The following CDK20 variants were observed in gnomAD, a reference collection of about 807,000 sequenced individuals.
The protein encoded by CDK20 is cyclin dependent kinase 20, also known as cyclin-dependent kinase 20.
In CDK20, 40 loss-of-function variants were observed where a neutral mutation model predicts 38.6. The ratio of observed to expected loss-of-function variants is 1.04; its 90% CI spans 0.81 to 1.35. The LOEUF is 1.35. CDK20 is among the 40% of genes most tolerant of loss of function. The probability of loss-of-function intolerance (pLI) is 0.00; values close to 1 mark genes in which losing one functional copy is unlikely to be tolerated. For synonymous variants in CDK20, 209 were observed against 185.7 expected (o/e 1.13, Z -1.02); for missense variants, 512 against 452.6 (o/e 1.13, Z -1.19).
chr9:87,969,745 G>T, intron 6 of CDK20, 51 bp downstream of exon 6: 2 of 1,611,144 alleles, frequency 1.2e-6, no homozygotes, highest in South Asian at 1.1e-5. Flanking sequence ...CTTGCTGTTG[G>T]GAGTGGAGTA....
chr9:87,974,522 C>G lies in CDK20; in HGVS notation c.-76G>C. On this transcript the variant is annotated 5_prime_UTR_variant, in exon 1 of 8. Coordinates refer to ENST00000325303, the MANE Select transcript of CDK20 (RefSeq NM_001039803.3). ...CACTTCTCCTCCACCCCACGCTGAT[C>G]TGAGCTCGCACGCTGTTGCCTAGCA... The G allele has an allele frequency of 7.3e-7, 1 of 1,367,496 alleles. No homozygotes were observed. The highest frequency in any genetic ancestry group is 2.5e-5 in the East Asian group (1 of 40,694). 84.7% of individuals were successfully genotyped at this position (1,367,496 alleles called of 1,614,324 possible).
At position 87,966,975 on chromosome 9, in the gene CDK20, T is replaced by G. The variant is rs1829474285; in HGVS notation, c.*487A>C. ...GGAACAGACATAAGGCAGAGCCACC[T>G]GAGGTTTTTAGAATCTATATCTCAC... is the stretch of plus-strand genomic sequence containing the variant. On this transcript the variant is annotated 3_prime_UTR_variant, in exon 8 of 8. Transcript: ENST00000325303. 2.2e-6 allele frequency: 1 copy of G among 451,078 alleles called. No individual in the cohort carries two copies. Among genetic ancestry groups the G allele is most frequent in the Admixed American group, 2.4e-5 (1 of 42,386 alleles). 27.9% of individuals were successfully genotyped at this position (451,078 alleles called of 1,614,324 possible). A position where few individuals can be genotyped will look rare whatever the true frequency, so the allele number is the denominator to read the frequency against.
intron 5 of CDK20, 130 bp from the exon 6 acceptor site, chr9:87,970,049 G>C: frequency 1.8e-6 from 2 of 1,088,566 alleles, no homozygotes; most frequent in Non-Finnish European, 2.6e-6. Context: ...CACGTCCAGA[G>C]GCCCAGTCCC....
chr9:87,974,321 G>T (rs773648642), intron 1 of CDK20, 51 bp downstream of exon 1: 2 of 1,557,186 alleles, frequency 1.3e-6, no homozygotes, highest in Non-Finnish European at 1.8e-6. Flanking sequence ...GTTAGCCGGA[G>T]GGTGGCGGGG....
Position 87,969,894 on chromosome 9 carries a change from G to T in CDK20, c.589C>A (p.Leu197Met). 1 of 1,589,386 alleles carries T rather than the reference G, an allele frequency of 6.3e-7. No individual in the cohort carries two copies. The highest frequency in any genetic ancestry group is 8.6e-7 in the Non-Finnish European group (1 of 1,166,812). Reference protein sequence around the residue: ...LWSVGCIMGELLNGSPLFPGK... With the variant: ...LWSVGCIMGEMLNGSPLFPGK... ...GGGAAAAGGGGGGACCCATTCAACAGCTCCCCCATGATGCAGCCCACAGAC... is the reference window on the plus strand; with the variant it reads ...GGGAAAAGGGGGGACCCATTCAACATCTCCCCCATGATGCAGCCCACAGAC... The change falls in exon 6 of 8, where the codon CTG becomes ATG. Residue 197 changes from leucine (L) to methionine (M), a missense_variant. By Grantham distance (15) the Leu-to-Met change is conservative. Transcript: ENST00000325303.
Position 87,967,084 on chromosome 9 carries a change from T to G in CDK20, c.*378A>C. 1 of 545,672 alleles carries G rather than the reference T, an allele frequency of 1.8e-6. No homozygotes were observed. Among genetic ancestry groups the G allele is most frequent in the South Asian group, 1.4e-5 (1 of 71,822 alleles). 33.8% of individuals were successfully genotyped at this position (545,672 alleles called of 1,614,324 possible). A position where few individuals can be genotyped will look rare whatever the true frequency, so the allele number is the denominator to read the frequency against. ...TTGAGTTTCCAACATAAGGACACCTTACTCTCTGCACTTCTCCTTGACCAG... is the reference window on the plus strand; with the variant it reads ...TTGAGTTTCCAACATAAGGACACCTGACTCTCTGCACTTCTCCTTGACCAG... On this transcript the variant is annotated 3_prime_UTR_variant, in exon 8 of 8. Coordinates refer to ENST00000325303, the MANE Select transcript of CDK20 (RefSeq NM_001039803.3).
intron 3 of CDK20, 79 bp from the exon 4 acceptor site, chr9:87,970,976 A>C: frequency 6.3e-7 from 1 of 1,587,528 alleles, no homozygotes; most frequent in East Asian, 2.3e-5. Flanking sequence ...CAGTCTAACC[A>C]CTCAGGTCAG....
chr9:87,967,381 G>A lies in CDK20; in HGVS notation c.*81C>T. ...ACTGTGGCCATGGGGAGGCCTTGGA[G>A]GGTGAAGCCAGGCAGGTGGCAGAGG... is the stretch of plus-strand genomic sequence containing the variant. On this transcript the variant is annotated 3_prime_UTR_variant, in exon 8 of 8. Transcript: ENST00000325303. 7.0e-7 allele frequency: 1 copy of A among 1,421,090 alleles called. No homozygotes were observed. The highest frequency in any genetic ancestry group is 9.7e-7 in the Non-Finnish European group (1 of 1,028,696). The allele number at this position is 1,421,090 out of a possible 1,614,324, so 88.0% of individuals were successfully genotyped here.
At position 87,971,191 on chromosome 9, in the gene CDK20, G is replaced by A. The variant is rs1336399418; in HGVS notation, c.334C>T (p.Leu112Phe). ...GCATGGCAGAAGGCGACACCCTTGAGCAGCATCTGCAGGTAGCTCTTGACC... is the reference window on the plus strand; with the variant it reads ...GCATGGCAGAAGGCGACACCCTTGAACAGCATCTGCAGGTAGCTCTTGACC... ...AQVKSYLQMLLKGVAFCHANN... is the reference protein window; with the variant it reads ...AQVKSYLQMLFKGVAFCHANN... Residue 112 changes from leucine to phenylalanine, a missense_variant, in exon 3 of 8, where the codon CTC becomes TTC. Leu to Phe is a conservative substitution (Grantham distance 22, BLOSUM62 0). Coordinates refer to ENST00000325303, the MANE Select transcript of CDK20 (RefSeq NM_001039803.3). The A allele has an allele frequency of 1.2e-6, 2 of 1,614,236 alleles. No homozygotes were observed. Among genetic ancestry groups the A allele is most frequent in the Non-Finnish European group, 1.7e-6 (2 of 1,180,052 alleles).
intron 5 of CDK20, 26 bp from the exon 6 acceptor site, chr9:87,969,945 T>G: frequency 6.5e-7 from 1 of 1,529,122 alleles, no homozygotes; most frequent in South Asian, 1.3e-5. Context: ...CCCAAGCAGG[T>G]CAGAGATCTC....
At chr9:87,970,687 A>T in intron 4 of CDK20, 57 bp from the exon 5 acceptor site, 1 of 1,611,904 alleles carries the variant, frequency 6.2e-7, no homozygotes, top group Non-Finnish European at 8.5e-7. Context: ...TGGGGAGGTG[A>T]CCCCAGCCCC....
intron 3 of CDK20, 56 bp from the exon 4 acceptor site, chr9:87,970,953 C>T (rs762081531): frequency 1.1e-5 from 18 of 1,606,388 alleles, no homozygotes; most frequent in Non-Finnish European, 1.5e-5. Flanking sequence ...GACCTTGGGA[C>T]AAGCGGGCTT....
At chr9:87,969,758 C>G (rs1829716385) in intron 6 of CDK20, 38 bp downstream of exon 6, 1 of 1,612,832 alleles carries the variant, frequency 6.2e-7, no homozygotes, top group Admixed American at 1.7e-5. Context: ...GTGGAGTAAA[C>G]CTGCCCCACA....
intron 2 of CDK20, among the ~76,000 whole-genome samples, chr9:87,972,076 G>A (rs754434920): frequency 6.6e-6 from 1 of 152,046 alleles, no homozygotes; most frequent in Non-Finnish European, 1.5e-5. Context: ...ATGGTGACAC[G>A]TGCCTGTAGT....
At position 87,967,421 on chromosome 9, in the gene CDK20, G is replaced by A; in HGVS notation, c.*41C>T. 1 of 1,543,802 alleles carries A rather than the reference G, an allele frequency of 6.5e-7. No homozygotes were observed. On this transcript the variant is annotated 3_prime_UTR_variant, in exon 8 of 8. Transcript: ENST00000325303. ...GGTGGCAGAGGAACAGGTGGACTGA[G>A]TGGTCCTGAGGAGCAGGCAGACGGG... is the stretch of plus-strand genomic sequence containing the variant.
intron 2 of CDK20, among the ~76,000 whole-genome samples, chr9:87,973,690 G>C (rs1830020249): frequency 6.6e-6 from 1 of 152,144 alleles, no homozygotes; most frequent in African/African-American, 2.4e-5. Context: ...AAATAAGTAG[G>C]CAAATGAGAG....
chr9:87,966,955 A>C lies in CDK20; in HGVS notation c.*507T>G. The C allele has an allele frequency of 2.4e-6, 1 of 423,360 alleles. No homozygotes were observed. The highest frequency in any genetic ancestry group is 2.5e-5 in the Admixed American group (1 of 39,290). The allele number at this position is 423,360 out of a possible 1,614,324, so 26.2% of individuals were successfully genotyped here. A position where few individuals can be genotyped will look rare whatever the true frequency, so the allele number is the denominator to read the frequency against. On this transcript the variant is annotated 3_prime_UTR_variant, in exon 8 of 8. Coordinates refer to ENST00000325303, the MANE Select transcript of CDK20 (RefSeq NM_001039803.3). ...CCCTTGAGAGAAATGAAGGAGGAAC[A>C]GACATAAGGCAGAGCCACCTGAGGT...
At chr9:87,968,256 T>G (rs1829569725) in intron 7 of CDK20, 1 of 152,596 alleles carries the variant, frequency 6.6e-6, no homozygotes, top group African/African-American at 2.4e-5. Flanking sequence ...TGTGTCCTGT[T>G]CTACTTGGAT....
rs1564153958 is a variant in CDK20 at position 87,967,649 on chromosome 9, TGGA to T, written c.851_853del (p.Leu284del). The T allele has an allele frequency of 3.6e-5, 53 of 1,480,952 alleles. No individual in the cohort carries two copies. Among genetic ancestry groups the T allele is most frequent in the Non-Finnish European group, 4.8e-5 (53 of 1,112,062 alleles). 91.7% of individuals were successfully genotyped at this position (1,480,952 alleles called of 1,614,324 possible). On this transcript the variant is annotated inframe_deletion, in exon 8 of 8. Coordinates refer to ENST00000325303, the MANE Select transcript of CDK20 (RefSeq NM_001039803.3). Reference sequence around the variant, plus strand: ...CAGGGGAGCTGTGAAGAAGTACTGATGGAGGAGAGCCTGAGGGTGGCAAGTAAG... The same window carrying T: ...CAGGGGAGCTGTGAAGAAGTACTGATGGAGAGCCTGAGGGTGGCAAGTAAG...
Sources: gnomAD v4.1 joint callset for allele counts (sites outside exome capture counted in the v4.1 genomes callset) on GRCh38, gnomAD v4.1.1 for gene constraint, MANE v1.5 for transcripts, NCBI Gene and HGNC (gene_info 2026-07-23, HGNC 2026-07-21) for gene names.